Variants in YME1L1 observed in about 807,000 individuals in gnomAD.
YME1L1 encodes the protein ATP-dependent zinc metalloprotease YME1L1.
A neutral mutation model predicts 90.4 loss-of-function variants in YME1L1; 39 were observed. The ratio of observed to expected loss-of-function variants is 0.43; its 90% CI spans 0.33 to 0.56. YME1L1 has a LOEUF of 0.56. Ranked by LOEUF, YME1L1 falls within the 20% of genes least tolerant of loss-of-function variation. The probability of loss-of-function intolerance (pLI) is 0.03; values close to 1 mark genes in which losing one functional copy is unlikely to be tolerated. For synonymous variants in YME1L1, 284 were observed against 287.3 expected (o/e 0.99, Z 0.12); for missense variants, 617 against 868.4 (o/e 0.71, Z 3.64).
intron 5 of YME1L1, among the ~76,000 whole-genome samples, chr10:27,135,510 G>A (rs2057018557): frequency 1.3e-5 from 2 of 152,168 alleles, no homozygotes; most frequent in South Asian, 2.1e-4. Flanking sequence ...CAGGAATATG[G>A]AAAAGGCCTT....
chr10:27,125,941 T>G (rs1018962084), intron 9 of YME1L1, among the ~76,000 whole-genome samples: 54 of 152,104 alleles, frequency 3.6e-4, no homozygotes, highest in Non-Finnish European at 3.4e-4. Flanking sequence ...CCTCCTAAAC[T>G]GCTGGGATTA....
chr10:27,149,121 T>C, intron 1 of YME1L1, 81 bp from the exon 2 acceptor site: 1 of 1,309,434 alleles, frequency 7.6e-7, no homozygotes, highest in Non-Finnish European at 1.1e-6. Flanking sequence ...CAGGATTTGT[T>C]AAGAGTTAAA....
At chr10:27,114,090 T>C (rs1047138551) in intron 18 of YME1L1, among the ~76,000 whole-genome samples, 1 of 152,140 alleles carries the variant, frequency 6.6e-6, no homozygotes, top group Non-Finnish European at 1.5e-5. Flanking sequence ...TATATATAGA[T>C]TTTATTTCAA....
intron 10 of YME1L1, 71 bp downstream of exon 10, chr10:27,123,476 C>T: frequency 1.3e-6 from 2 of 1,492,348 alleles, no homozygotes; most frequent in Non-Finnish European, 1.8e-6. Flanking sequence ...AAGTAATTAG[C>T]AAAGAAAGGG....
intron 18 of YME1L1, 31 bp downstream of exon 18, chr10:27,114,490 G>T: frequency 6.4e-7 from 1 of 1,574,376 alleles, no homozygotes; most frequent in South Asian, 1.2e-5. Flanking sequence ...TTGTTCCTAA[G>T]AAAATAAATA....
intron 3 of YME1L1, among the ~76,000 whole-genome samples, chr10:27,143,573 G>A (rs1451147502): frequency 6.7e-6 from 1 of 150,116 alleles, no homozygotes; most frequent in African/African-American, 2.5e-5. Flanking sequence ...TGGCGGATGC[G>A]TGTAGTCCCA....
intron 8 of YME1L1, among the ~76,000 whole-genome samples, chr10:27,128,410 T>A (rs2056942114): frequency 6.6e-6 from 1 of 152,148 alleles, no homozygotes; most frequent in South Asian, 2.1e-4. Flanking sequence ...TGCTTAGTTA[T>A]CAGCATGGCT....
intron 9 of YME1L1, among the ~76,000 whole-genome samples, chr10:27,125,528 G>A (rs2056909599): frequency 6.6e-6 from 1 of 151,690 alleles, no homozygotes; most frequent in African/African-American, 2.4e-5. Flanking sequence ...CCTGAACTGG[G>A]GAAGTGGGTA....
chr10:27,122,696 ACTACTCTGTTTC>A, intron 11 of YME1L1, 133 bp downstream of exon 11: 1 of 1,057,166 alleles, frequency 9.5e-7, no homozygotes, highest in Non-Finnish European at 1.3e-6. Context: ...TGCATGAGGG[ACTACTCTGTTTC>A]CTATACACAT....
chr10:27,132,329 C>T (rs2056985466), intron 7 of YME1L1, among the ~76,000 whole-genome samples: 1 of 151,602 alleles, frequency 6.6e-6, no homozygotes, highest in South Asian at 2.1e-4. Flanking sequence ...GAACTCCTGA[C>T]CTCAGGTGAT....
At chr10:27,134,366 T>C (rs2057005353) in intron 6 of YME1L1, among the ~76,000 whole-genome samples, 1 of 152,200 alleles carries the variant, frequency 6.6e-6, no homozygotes, top group Non-Finnish European at 1.5e-5. Flanking sequence ...GGAGGATCAC[T>C]TGATCCCTGG....
In YME1L1 at chr10:27,115,893, G is replaced by A. The variant is rs183622064; in HGVS notation, c.1920+167C>T. Reference sequence around the variant, plus strand: ...AGCTCATTCTCAGCAGCTAAGAGAAGGTCCATTTTCTTTATTCAGAGAATA... The same window carrying A: ...AGCTCATTCTCAGCAGCTAAGAGAAAGTCCATTTTCTTTATTCAGAGAATA... On this transcript the variant is annotated intron_variant, in intron 17 of 18. Coordinates refer to ENST00000376016, the MANE Select transcript of YME1L1 (RefSeq NM_014263.4). Among the ~76,000 whole-genome samples, 3 of 152,228 alleles carry A rather than the reference G, an allele frequency of 2.0e-5. No homozygotes were observed. In the East Asian group the frequency reaches 5.8e-4, roughly 29 times the overall value.
At chr10:27,129,265 G>A (rs11015559) in intron 8 of YME1L1, 36,612 of 151,804 alleles carry the variant, frequency 0.24, 4,976 homozygotes, top group East Asian at 0.56. Context: ...GGCCCTCCAC[G>A]CTGATGACTG....
Position 27,110,257 on chromosome 10 carries a change from A to C in YME1L1, c.*1720T>G, listed in dbSNP as rs2056746283. 6.6e-6 allele frequency: 1 copy of C among 152,232 alleles called. No homozygotes were observed. The highest frequency in any genetic ancestry group is 6.5e-5 in the Admixed American group (1 of 15,280). 9.4% of individuals were successfully genotyped at this position (152,232 alleles called of 1,614,324 possible). On this transcript the variant is annotated 3_prime_UTR_variant, in exon 19 of 19. Transcript: ENST00000376016. ...ACAGAACAGGTTTGGGGCAATAAAAAACGGGCAGAATGATAACAACTGGTA... is the reference window on the plus strand; with the variant it reads ...ACAGAACAGGTTTGGGGCAATAAAACACGGGCAGAATGATAACAACTGGTA...
rs142506742 is a variant in YME1L1, at chr10:27,121,183, C to G, written c.1298+203G>C. On this transcript the variant is annotated intron_variant, in intron 12 of 18. Transcript: ENST00000376016. ...ATATTCCCATCCCCCACAAAGAAAT[C>G]CCATATCCAATGACAGCCATTCCCC... 2.6e-5 allele frequency among the ~76,000 whole-genome samples: 4 copies of G among 152,272 alleles called. No individual in the cohort carries two copies. In the East Asian group the frequency reaches 7.7e-4, roughly 29 times the overall value.
rs1409502072 is a variant in YME1L1 at position 27,142,474 on chromosome 10, T to C, written c.343A>G (p.Ile115Val). The C allele has an allele frequency of 3.5e-6, 5 of 1,444,866 alleles. No individual in the cohort carries two copies. Among genetic ancestry groups the C allele is most frequent in the Non-Finnish European group, 4.6e-6 (5 of 1,092,274 alleles). The allele number at this position is 1,444,866 out of a possible 1,614,324, so 89.5% of individuals were successfully genotyped here. A position where few individuals can be genotyped will look rare whatever the true frequency, so the allele number is the denominator to read the frequency against. Residue 115 changes from isoleucine to valine, a missense_variant, in exon 4 of 19, where the codon ATA becomes GTA. Around this residue, in one of 4 missense-constraint regions of YME1L1, gnomAD observed 311 missense variants for 335.8 expected, o/e 0.93. Transcript: ENST00000376016. Reference sequence around the variant, plus strand: ...CAAGAGGAACGTAATGTACTAAATATATCTAAGTTACCTGGAGGGAAATTG... The same window carrying C: ...CAAGAGGAACGTAATGTACTAAATACATCTAAGTTACCTGGAGGGAAATTG... ...FFENKYGNLD[I>V]FSTLRSSCLY...
rs373357697 is a variant in YME1L1 at position 27,145,309 on chromosome 10, A to C, written c.331+119T>G. 4 of 876,688 alleles carry C rather than the reference A, an allele frequency of 4.6e-6. 1 individual carries two copies. The African/African-American group carries it at 6.9e-5, about 15-fold the overall frequency. 54.3% of individuals were successfully genotyped at this position (876,688 alleles called of 1,614,324 possible). Reference sequence around the variant, plus strand: ...AATTGCAAAAAAAAAAACAAAAAAAAAACACTTCAGGAAAGAACCCAGCCC... The same window carrying C: ...AATTGCAAAAAAAAAAACAAAAAAACAACACTTCAGGAAAGAACCCAGCCC... On this transcript the variant is annotated intron_variant, in intron 3 of 18. Coordinates refer to ENST00000376016, the MANE Select transcript of YME1L1 (RefSeq NM_014263.4).
In YME1L1 at chr10:27,154,207, A is replaced by T. The variant is rs1266712149; in HGVS notation, c.4T>A (p.Phe2Ile). The T allele has an allele frequency of 5.7e-6, 9 of 1,590,896 alleles. No individual in the cohort carries two copies. Among genetic ancestry groups the T allele is most frequent in the Non-Finnish European group, 7.7e-6 (9 of 1,167,976 alleles). ...GGTTGCACCGTGCTCGACAAGGAAA[A>T]CATCTCCGGCGGGCCCTCAGCGACC... Reference protein sequence around the residue: MFSLSSTVQPQV... With the variant: MISLSSTVQPQV... Residue 2 changes from phenylalanine to isoleucine, a missense_variant, in exon 1 of 19, where the codon TTT (phenylalanine) becomes ATT (isoleucine). Around this residue, in one of 4 missense-constraint regions of YME1L1, gnomAD observed 311 missense variants for 335.8 expected, o/e 0.93. Coordinates refer to ENST00000376016, the MANE Select transcript of YME1L1 (RefSeq NM_014263.4).
intron 3 of YME1L1, among the ~76,000 whole-genome samples, chr10:27,143,488 A>G (rs2057111644): frequency 6.6e-6 from 1 of 151,894 alleles, no homozygotes; most frequent in African/African-American, 2.4e-5. Context: ...TCACGAGGTC[A>G]GGAGATACAG....
Sources: gnomAD v4.1 joint callset for allele counts (sites outside exome capture counted in the v4.1 genomes callset) on GRCh38, gnomAD v4.1.1 for gene constraint, gnomAD v4.1.1 regional missense constraint, MANE v1.5 for transcripts, NCBI Gene and HGNC (gene_info 2026-07-23, HGNC 2026-07-21) for gene names.